CELF4: variants seen among roughly 807,000 people sequenced by gnomAD.
CELF4 encodes CUGBP Elav-like family member 4, also known as CUG-BP- and ETR-3-like factor 4.
A neutral mutation model predicts 59.9 loss-of-function variants in CELF4; 18 were observed. The observed-to-expected ratio is 0.30, with a 90% CI of 0.21 to 0.45. CELF4 has a LOEUF of 0.45. Among genes scored for constraint, CELF4 ranks in the 20% least tolerant of loss-of-function variants. The pLI is 1.00. For missense variants in CELF4, 456 were observed against 689.0 expected, an observed-to-expected ratio of 0.66 and a Z score of 3.79; for synonymous variants, 261 against 267.1, an observed-to-expected ratio of 0.98 and a Z score of 0.22.
intron 2 of CELF4, among the ~76,000 whole-genome samples, chr18:37,430,226 G>A (rs570978641): frequency 2.0e-5 from 3 of 152,194 alleles, no homozygotes; most frequent in Non-Finnish European, 4.4e-5. Context: ...AGCTGAGCAC[G>A]GACTGGGGAC....
intron 2 of CELF4, among the ~76,000 whole-genome samples, chr18:37,370,973 C>A (rs2098857557): frequency 6.6e-6 from 1 of 152,200 alleles, no homozygotes; most frequent in African/African-American, 2.4e-5. Context: ...CCATCCGGGG[C>A]AGCCAAATGC....
chr18:37,358,569 C>A (rs1325958811), intron 2 of CELF4, among the ~76,000 whole-genome samples: 1 of 152,202 alleles, frequency 6.6e-6, no homozygotes, highest in Admixed American at 6.5e-5. Context: ...GGCAGGGAGG[C>A]AGGTACCCCC....
Position 37,336,754 on chromosome 18 carries a change from C to T in CELF4, c.370-14873G>A, listed in dbSNP as rs563350679. On this transcript the variant is annotated intron_variant, in intron 2 of 12. Coordinates refer to ENST00000420428, the MANE Select transcript of CELF4 (RefSeq NM_020180.4). Reference sequence around the variant, plus strand: ...TAAGAACCTGAAGCTGGCCAGCGTGCGTGGCCGATGACGGTGGATGCGGCG... The same window carrying T: ...TAAGAACCTGAAGCTGGCCAGCGTGTGTGGCCGATGACGGTGGATGCGGCG... 2.0e-4 allele frequency among the ~76,000 whole-genome samples: 30 copies of T among 152,338 alleles called. No individual in the cohort carries two copies. In the South Asian group the frequency reaches 3.1e-3, roughly 16 times the overall value.
Position 37,410,299 on chromosome 18 carries a change from G to T in CELF4, c.369+75226C>A, listed in dbSNP as rs562022888. ...CTCCTGAAGACAAGGAAAGGAGAGT[G>T]TGCCCTTTTGGCTGATGCCTCTGCT... On this transcript the variant is annotated intron_variant, in intron 2 of 12. Transcript: ENST00000420428. Among the ~76,000 whole-genome samples, 15 of 152,346 alleles carry T rather than the reference G, an allele frequency of 9.8e-5. 1 individual carries two copies. In the South Asian group the frequency reaches 2.5e-3, roughly 25 times the overall value.
At chr18:37,398,338 C>T (rs1187031477) in intron 2 of CELF4, among the ~76,000 whole-genome samples, 2 of 152,148 alleles carry the variant, frequency 1.3e-5, no homozygotes, top group Admixed American at 6.5e-5. Flanking sequence ...GGGTAGGTTT[C>T]GGGAGCAGAA....
At chr18:37,288,811 A>T (rs936608898) in intron 3 of CELF4, among the ~76,000 whole-genome samples, 11 of 152,084 alleles carry the variant, frequency 7.2e-5, no homozygotes, top group African/African-American at 2.4e-4. Flanking sequence ...GCAACATATT[A>T]TCTGTTGGTA....
chr18:37,543,821 C>T (rs1423464553), intron 1 of CELF4, among the ~76,000 whole-genome samples: 1 of 152,244 alleles, frequency 6.6e-6, no homozygotes, highest in African/African-American at 2.4e-5. Flanking sequence ...TTGATGGCCC[C>T]TCCATTCCCT....
intron 2 of CELF4, among the ~76,000 whole-genome samples, chr18:37,348,982 C>T (rs1418179874): frequency 3.9e-5 from 6 of 152,134 alleles, no homozygotes; most frequent in Middle Eastern, 3.2e-3. Flanking sequence ...TCAAACTGGC[C>T]CCTGACCTTG....
chr18:37,538,909 C>T (rs1352007753), intron 1 of CELF4, among the ~76,000 whole-genome samples: 2 of 152,216 alleles, frequency 1.3e-5, no homozygotes, highest in Non-Finnish European at 2.9e-5. Flanking sequence ...TGCCTCCCCT[C>T]CTGGCACCTC....
At chr18:37,516,420 A>G (rs1389439506) in intron 1 of CELF4, among the ~76,000 whole-genome samples, 1 of 152,218 alleles carries the variant, frequency 6.6e-6, no homozygotes, top group Non-Finnish European at 1.5e-5. Flanking sequence ...CCCCATGCCA[A>G]CACTAGCCTG....
chr18:37,356,712 C>G (rs2098592234), intron 2 of CELF4, among the ~76,000 whole-genome samples: 1 of 152,198 alleles, frequency 6.6e-6, no homozygotes, highest in Non-Finnish European at 1.5e-5. Flanking sequence ...TCAATAATCC[C>G]AAAAGCTATT....
At chr18:37,286,490 G>C (rs2094788393) in intron 3 of CELF4, among the ~76,000 whole-genome samples, 1 of 152,196 alleles carries the variant, frequency 6.6e-6, no homozygotes, top group Non-Finnish European at 1.5e-5. Context: ...CCTCCTCGGT[G>C]CCTCCCGCCA....
chr18:37,274,167 G>T (rs886076585), intron 6 of CELF4, 144 bp downstream of exon 6: 1 of 1,483,872 alleles, frequency 6.7e-7, no homozygotes, highest in Middle Eastern at 2.5e-4. Flanking sequence ...AAACCCCCCA[G>T]GTTCATGGGT....
At chr18:37,352,739 G>A (rs2154554950) in intron 2 of CELF4, among the ~76,000 whole-genome samples, 1 of 152,292 alleles carries the variant, frequency 6.6e-6, no homozygotes, top group African/African-American at 2.4e-5. Flanking sequence ...TGGAAGCGGG[G>A]GATGAAAGCT....
chr18:37,294,423 G>A lies in CELF4; in HGVS notation c.449-19180C>T, dbSNP rs112200944. On this transcript the variant is annotated intron_variant, in intron 3 of 12. Coordinates refer to ENST00000420428, the MANE Select transcript of CELF4 (RefSeq NM_020180.4). ...TCTGGGCAACTTTGCCATCTGCCCC[G>A]AGTAGGTGACAAGATGCCAGCTTAG... Among the ~76,000 whole-genome samples the A allele has an allele frequency of 4.7e-4, 71 of 152,250 alleles. 1 individual carries two copies. The highest frequency in any genetic ancestry group is 1.7e-3 in the African/African-American group (69 of 41,554).
chr18:37,337,226 C>T (rs1349605594), intron 2 of CELF4, among the ~76,000 whole-genome samples: 3 of 152,174 alleles, frequency 2.0e-5, no homozygotes, highest in Non-Finnish European at 2.9e-5. Flanking sequence ...GCTCCAGTGT[C>T]CCACAAGCGG....
intron 7 of CELF4, among the ~76,000 whole-genome samples, chr18:37,272,608 T>C (rs1353392351): frequency 1.5e-5 from 2 of 135,422 alleles, no homozygotes; most frequent in Admixed American, 7.5e-5. Context: ...GACACCCAAA[T>C]GGGTTCCTTC....
chr18:37,419,742 G>A (rs1171735798), intron 2 of CELF4, among the ~76,000 whole-genome samples: 5 of 152,210 alleles, frequency 3.3e-5, no homozygotes, highest in African/African-American at 1.2e-4. Flanking sequence ...AGGGGATGAT[G>A]AGGGTTTGCT....
At chr18:37,504,453 C>CAAAA (rs765700471) in intron 1 of CELF4, among the ~76,000 whole-genome samples, 1 of 71,176 alleles carries the variant, frequency 1.4e-5, no homozygotes, top group African/African-American at 4.7e-5. Flanking sequence ...GACTCCATCT[C>CAAAA]AAAAAAAAAA....
Sources: allele counts gnomAD v4.1 joint callset (sites outside exome capture counted in the v4.1 genomes callset), GRCh38; gene constraint gnomAD v4.1.1; transcripts MANE v1.5; gene names NCBI Gene and HGNC (gene_info 2026-07-23, HGNC 2026-07-21).